AFF1: variants seen among roughly 807,000 people sequenced by gnomAD.
The protein encoded by AFF1 is ALF transcription elongation factor 1, also known as AF4/FMR2 family member 1.
A neutral mutation model predicts 121.7 loss-of-function variants in AFF1; 48 were observed. The observed-to-expected ratio is 0.39, with a 90% CI of 0.31 to 0.50. The LOEUF (loss-of-function observed/expected upper bound fraction) is 0.50. Ranked by LOEUF, AFF1 falls within the 20% of genes least tolerant of loss-of-function variation. The pLI is 0.76. For synonymous variants in AFF1, 613 were observed against 563.0 expected, an observed-to-expected ratio of 1.09 and a Z score of -1.26; for missense variants, 1,523 against 1,511.7, an observed-to-expected ratio of 1.01 and a Z score of -0.12.
intron 2 of AFF1, among the ~76,000 whole-genome samples, chr4:86,967,676 G>C (rs1298333662): frequency 6.6e-6 from 1 of 151,966 alleles, no homozygotes; most frequent in Non-Finnish European, 1.5e-5. Flanking sequence ...GAAAAGATAG[G>C]TAGGTTGGAT....
chr4:87,007,718 C>T (rs1726310224), intron 2 of AFF1, among the ~76,000 whole-genome samples: 1 of 152,182 alleles, frequency 6.6e-6, no homozygotes, highest in African/African-American at 2.4e-5. Flanking sequence ...GTTGATTTCA[C>T]TTGTCCGCCC....
In AFF1 at chr4:87,090,026, A is replaced by G. The variant is rs778595725; in HGVS notation, c.1147A>G (p.Thr383Ala). The G allele has an allele frequency of 5.0e-6, 8 of 1,613,884 alleles. No individual in the cohort carries two copies. The highest frequency in any genetic ancestry group is 6.8e-6 in the Non-Finnish European group (8 of 1,179,978). Reference protein sequence around the residue: ...SWPPPLTAIHTPSTAEPSKFP... With the variant: ...SWPPPLTAIHAPSTAEPSKFP... Reference sequence around the variant, plus strand: ...GCCGCCTCCTTTGACAGCAATACATACGCCTAGTACAGCTGAGCCATCCAA... The same window carrying G: ...GCCGCCTCCTTTGACAGCAATACATGCGCCTAGTACAGCTGAGCCATCCAA... The change falls in exon 6 of 21, where the codon ACG becomes GCG. Residue 383 changes from threonine (T) to alanine (A), a missense_variant. Coordinates refer to ENST00000395146, the MANE Select transcript of AFF1 (RefSeq NM_001166693.3).
intron 4 of AFF1, among the ~76,000 whole-genome samples, chr4:87,074,773 G>A (rs1461671413): frequency 6.6e-6 from 1 of 152,162 alleles, no homozygotes; most frequent in Non-Finnish European, 1.5e-5. Context: ...TATTGTATGT[G>A]ATCTCAGGAT....
intron 16 of AFF1, 131 bp downstream of exon 16, chr4:87,127,834 C>T: frequency 1.1e-6 from 1 of 896,290 alleles, no homozygotes; most frequent in Non-Finnish European, 1.7e-6. Flanking sequence ...GCAGCAGGCG[C>T]AGGAGAAAGG....
intron 2 of AFF1, chr4:87,007,307 C>G: frequency 6.3e-7 from 1 of 1,585,816 alleles, no homozygotes; most frequent in Non-Finnish European, 8.5e-7. Flanking sequence ...CGGGACGCGT[C>G]CCCGCCCGGC....
rs777598833 is a variant in AFF1 at position 87,046,815 on chromosome 4, T to C, written c.280T>C (p.Leu94=). The change falls in exon 4 of 21, where the codon TTG becomes CTG. Residue 94 remains leucine (L), a synonymous_variant. Coordinates refer to ENST00000395146, the MANE Select transcript of AFF1 (RefSeq NM_001166693.3). ...TCGCCTGGATGCTTCTGAAAATAGG[T>C]TGGGAAAGCCGAAATATCCTTTAAT... is the stretch of plus-strand genomic sequence containing the variant. ...THRLDASENR[L]GKPKYPLIPD... is the part of the protein sequence containing the mutation. 5.0e-6 allele frequency: 8 copies of C among 1,614,034 alleles called. No individual in the cohort carries two copies. The highest frequency in any genetic ancestry group is 4.2e-6 in the Non-Finnish European group (5 of 1,180,044).
chr4:87,114,222 TGAG>T, intron 11 of AFF1, 142 bp from the exon 12 acceptor site: 2 of 647,254 alleles, frequency 3.1e-6, no homozygotes, highest in Non-Finnish European at 5.0e-6. Context: ...ACTTATAACT[TGAG>T]GAGGATGACC....
intron 2 of AFF1, among the ~76,000 whole-genome samples, chr4:87,033,475 G>A (rs1480496414): frequency 6.6e-6 from 1 of 152,202 alleles, no homozygotes; most frequent in Non-Finnish European, 1.5e-5. Context: ...ATCCTGTCCT[G>A]TGTTCCAAGC....
chr4:86,963,118 A>G (rs1204196162), intron 2 of AFF1, among the ~76,000 whole-genome samples: 1 of 145,798 alleles, frequency 6.9e-6, no homozygotes, highest in Non-Finnish European at 1.5e-5. Flanking sequence ...GTGAGCTAAG[A>G]TCACACTACT....
chr4:87,135,957 A>G lies in AFF1; in HGVS notation c.*256A>G, dbSNP rs185210433. ...TTCCTAACTAAAGGACAGAAGTGCA[A>G]TTTAGCTTAAATGGGTGTATGAATG... is the stretch of plus-strand genomic sequence containing the variant. On this transcript the variant is annotated 3_prime_UTR_variant, in exon 21 of 21. Coordinates refer to ENST00000395146, the MANE Select transcript of AFF1 (RefSeq NM_001166693.3). 6.0e-5 allele frequency: 26 copies of G among 436,710 alleles called. No individual in the cohort carries two copies. The highest frequency in any genetic ancestry group is 2.6e-4 in the African/African-American group (13 of 49,922). The allele number at this position is 436,710 out of a possible 1,614,324, so 27.1% of individuals were successfully genotyped here.
intron 2 of AFF1, among the ~76,000 whole-genome samples, chr4:87,017,143 A>C (rs890021501): frequency 3.0e-5 from 4 of 131,770 alleles, no homozygotes; most frequent in African/African-American, 1.1e-4. Flanking sequence ...TGAAGGTGGA[A>C]TTTCTGGGTC....
At chr4:87,121,983 C>G (rs1323819483) in intron 12 of AFF1, among the ~76,000 whole-genome samples, 1 of 152,224 alleles carries the variant, frequency 6.6e-6, no homozygotes, top group Non-Finnish European at 1.5e-5. Flanking sequence ...AAAATCAGCT[C>G]TCATTTCACT....
chr4:87,046,431 G>T, intron 3 of AFF1, 145 bp downstream of exon 3: 1 of 1,308,206 alleles, frequency 7.6e-7, no homozygotes, highest in Non-Finnish European at 1.0e-6. Flanking sequence ...AGAGATTTTT[G>T]AAAACAAAGT....
chr4:86,982,388 C>CT (rs70953632), intron 2 of AFF1, among the ~76,000 whole-genome samples: 2,024 of 58,560 alleles, frequency 0.035, 138 homozygotes, highest in Middle Eastern at 0.056. Context: ...AAAAAATTGG[C>CT]TTTTTTTTTT....
At chr4:87,110,378 A>G (rs1726344157) in intron 11 of AFF1, among the ~76,000 whole-genome samples, 1 of 152,036 alleles carries the variant, frequency 6.6e-6, no homozygotes, top group African/African-American at 2.4e-5. Flanking sequence ...TAAAATGTAA[A>G]TTAAAGTATT....
rs1042742252 is a variant in AFF1, at chr4:87,136,954, G to A, written c.*1253G>A. 1 of 220,854 alleles carries A rather than the reference G, an allele frequency of 4.5e-6. No individual in the cohort carries two copies. The allele number at this position is 220,854 out of a possible 1,614,324, so 13.7% of individuals were successfully genotyped here. ...GAGTGTTCTCAGCTAGATTTGATTT[G>A]GTTGAGGAGGAACTGTGGCCCTCCG... On this transcript the variant is annotated 3_prime_UTR_variant, in exon 21 of 21. Transcript: ENST00000395146.
chr4:86,966,102 G>A (rs1358020113), intron 2 of AFF1, among the ~76,000 whole-genome samples: 1 of 150,078 alleles, frequency 6.7e-6, no homozygotes, highest in African/African-American at 2.5e-5. Flanking sequence ...TACGTGCAAG[G>A]TGGTAGTTTC....
chr4:87,111,047 G>A (rs1196422090), intron 11 of AFF1, among the ~76,000 whole-genome samples: 1 of 31,482 alleles, frequency 3.2e-5, no homozygotes, highest in East Asian at 8.4e-4. Flanking sequence ...TCGCTCTGTC[G>A]CCCAGGCTGG....
chr4:87,088,330 G>A (rs968053916), intron 5 of AFF1, among the ~76,000 whole-genome samples: 1 of 152,150 alleles, frequency 6.6e-6, no homozygotes, highest in African/African-American at 2.4e-5. Flanking sequence ...TACATTACTC[G>A]TCACTGTGCG....
Sources: gnomAD v4.1 joint callset for allele counts (sites outside exome capture counted in the v4.1 genomes callset) on GRCh38, gnomAD v4.1.1 for gene constraint, MANE v1.5 for transcripts, NCBI Gene and HGNC (gene_info 2026-07-23, HGNC 2026-07-21) for gene names.